Variants in IL33 observed in about 807,000 individuals in gnomAD.
IL33 encodes interleukin-33.
IL33 carries 37 observed loss-of-function variants against 27.3 expected under a neutral mutation model. The observed-to-expected ratio is 1.36, with a 90% CI of 1.04 to 1.78. IL33 has a LOEUF of 1.78. IL33 is among the 40% of genes most tolerant of loss of function. The probability of loss-of-function intolerance (pLI) is 0.00; values close to 1 mark genes in which losing one functional copy is unlikely to be tolerated. For missense variants in IL33, 406 were observed against 311.4 expected (o/e 1.30, Z -2.29); for synonymous variants, 132 against 102.9 (o/e 1.28, Z -1.71).
At chr9:6,230,745 A>C (rs1345741997) in intron 1 of IL33, among the ~76,000 whole-genome samples, 5 of 152,150 alleles carry the variant, frequency 3.3e-5, no homozygotes, top group Non-Finnish European at 5.9e-5. Flanking sequence ...CTATATCCTC[A>C]TAGATCCTCT....
chr9:6,230,172 G>A (rs1418630421), intron 1 of IL33, among the ~76,000 whole-genome samples: 1 of 152,136 alleles, frequency 6.6e-6, no homozygotes, highest in Non-Finnish European at 1.5e-5. Flanking sequence ...AAGCACAGAA[G>A]TACTTTACAA....
rs1816766268 is a variant in IL33, at chr9:6,256,970, G to T, written c.*802G>T. The T allele has an allele frequency of 6.6e-6, 1 of 151,934 alleles. No individual in the cohort carries two copies. The highest frequency in any genetic ancestry group is 2.4e-5 in the African/African-American group (1 of 41,362). 9.4% of individuals were successfully genotyped at this position (151,934 alleles called of 1,614,324 possible). ...ATAAAATTTCACTTATTAGGAATAT[G>T]TAACATGCTAAAACTTTTTTTTTTT... On this transcript the variant is annotated 3_prime_UTR_variant, in exon 8 of 8. Coordinates refer to ENST00000682010, the MANE Select transcript of IL33 (RefSeq NM_033439.4).
Position 6,252,155 on chromosome 9 carries a change from T to C in IL33, c.344-711T>C, listed in dbSNP as rs888835684. 9.9e-5 allele frequency among the ~76,000 whole-genome samples: 15 copies of C among 152,086 alleles called. No homozygotes were observed. In the East Asian group the frequency reaches 2.1e-3, roughly 22 times the overall value. On this transcript the variant is annotated intron_variant, in intron 4 of 7. Transcript: ENST00000682010. ...AGCATTATTCCTGCTATAAATGTCC[T>C]AAATTCCCAGAAGCAACACTGAAGT... is the stretch of plus-strand genomic sequence containing the variant.
chr9:6,237,547 A>G (rs17498196), intron 1 of IL33, among the ~76,000 whole-genome samples: 1 of 152,198 alleles, frequency 6.6e-6, no homozygotes, highest in Admixed American at 6.5e-5. Flanking sequence ...AAACTAGTCC[A>G]TGAGGGTGAT....
chr9:6,253,211 T>C (rs1385260458), intron 5 of IL33, among the ~76,000 whole-genome samples: 2 of 152,172 alleles, frequency 1.3e-5, no homozygotes, highest in Non-Finnish European at 2.9e-5. Flanking sequence ...AATGCTGACA[T>C]TGAAATGCAG....
intron 7 of IL33, among the ~76,000 whole-genome samples, chr9:6,255,403 C>G (rs1433035303): frequency 6.6e-6 from 1 of 151,970 alleles, no homozygotes; most frequent in Non-Finnish European, 1.5e-5. Context: ...AATAGAGCTA[C>G]TTAGACTGAG....
At chr9:6,218,909 T>TATGTTCTCC (rs1818291782) in intron 1 of IL33, among the ~76,000 whole-genome samples, 1 of 73,444 alleles carries the variant, frequency 1.4e-5, no homozygotes, top group African/African-American at 5.1e-5. Flanking sequence ...CATATATATA[T>TATGTTCTCC]ATATATATAT....
chr9:6,221,670 C>A (rs1357292972), intron 1 of IL33, among the ~76,000 whole-genome samples: 1 of 152,044 alleles, frequency 6.6e-6, no homozygotes, highest in Non-Finnish European at 1.5e-5. Context: ...GGGTTTAGAC[C>A]CGTTGGTTCT....
intron 2 of IL33, among the ~76,000 whole-genome samples, chr9:6,245,312 C>T (rs1819770787): frequency 1.3e-5 from 2 of 152,072 alleles, no homozygotes; most frequent in South Asian, 2.1e-4. Flanking sequence ...CTAAAAAAAT[C>T]CAAAGATCTA....
rs538576388 is a variant in IL33, at chr9:6,240,803, T to C, written c.-11-881T>C. ...AAATTAACCTTGCTTACTATAACTTTTTTACTTTATAAACTTTTAGTTTTT... is the reference window on the plus strand; with the variant it reads ...AAATTAACCTTGCTTACTATAACTTCTTTACTTTATAAACTTTTAGTTTTT... On this transcript the variant is annotated intron_variant, in intron 1 of 7. Coordinates refer to ENST00000682010, the MANE Select transcript of IL33 (RefSeq NM_033439.4). Among the ~76,000 whole-genome samples, 13 of 152,320 alleles carry C rather than the reference T, an allele frequency of 8.5e-5. No individual in the cohort carries two copies. In the South Asian group the frequency reaches 2.7e-3, roughly 32 times the overall value.
rs746011872 is a variant in IL33 at position 6,254,461 on chromosome 9, G to A, written c.521-1G>A. On this transcript the variant is annotated splice_acceptor_variant, in intron 6 of 7. Transcript: ENST00000682010. LOFTEE classifies it high-confidence loss of function. ...ATCATTTATACTTTCTTAATTGTAAGGTGACGGTGTTGATGGTAAGATGTT... is the reference window on the plus strand; with the variant it reads ...ATCATTTATACTTTCTTAATTGTAAAGTGACGGTGTTGATGGTAAGATGTT... 4 of 1,562,740 alleles carry A rather than the reference G, an allele frequency of 2.6e-6. No homozygotes were observed. The highest frequency in any genetic ancestry group is 1.8e-5 in the Admixed American group (1 of 55,328).
At chr9:6,236,407 T>C (rs55645596) in intron 1 of IL33, among the ~76,000 whole-genome samples, 1 of 152,214 alleles carries the variant, frequency 6.6e-6, no homozygotes, top group Admixed American at 6.5e-5. Context: ...TTTTTTATAA[T>C]CAGAAAAAAA....
intron 1 of IL33, among the ~76,000 whole-genome samples, chr9:6,229,530 T>C (rs949346921): frequency 5.9e-5 from 9 of 152,196 alleles, no homozygotes; most frequent in African/African-American, 2.2e-4. Flanking sequence ...AGACTGTCAT[T>C]TCTGTAAGTC....
chr9:6,216,556 G>A (rs1359163031), intron 1 of IL33, among the ~76,000 whole-genome samples: 3 of 152,216 alleles, frequency 2.0e-5, no homozygotes, highest in South Asian at 2.1e-4. Context: ...CCAAGAGGAT[G>A]AAACCCTGTC....
chr9:6,252,068 C>CAAAAAAA (rs1564073279), intron 4 of IL33, among the ~76,000 whole-genome samples: 1 of 74,844 alleles, frequency 1.3e-5, no homozygotes, highest in African/African-American at 5.6e-5. Context: ...AAAAAAAACC[C>CAAAAAAA]AACAAAAAAC....
At chr9:6,225,375 A>AG (rs1355834220) in intron 1 of IL33, among the ~76,000 whole-genome samples, 3 of 152,290 alleles carry the variant, frequency 2.0e-5, no homozygotes, top group Admixed American at 2.0e-4. Flanking sequence ...AGCAGGATAG[A>AG]GGGAAGAGCA....
chr9:6,234,402 T>A (rs1819078924), intron 1 of IL33, among the ~76,000 whole-genome samples: 1 of 152,188 alleles, frequency 6.6e-6, no homozygotes, highest in African/African-American at 2.4e-5. Flanking sequence ...ACCACTGGAA[T>A]TATGTCCACT....
At chr9:6,228,712 G>A (rs527945105) in intron 1 of IL33, among the ~76,000 whole-genome samples, 3 of 151,952 alleles carry the variant, frequency 2.0e-5, no homozygotes, top group South Asian at 2.1e-4. Context: ...AAATTTAGCC[G>A]AGTGTGGTGG....
chr9:6,253,665 C>CA (rs968408951), intron 6 of IL33, 63 bp downstream of exon 6: 56 of 1,297,912 alleles, frequency 4.3e-5, no homozygotes, highest in Admixed American at 1.0e-4. Context: ...AAGATAAATC[C>CA]AAAAAAATCC....
Sources: gnomAD v4.1 joint callset for allele counts (sites outside exome capture counted in the v4.1 genomes callset) on GRCh38, gnomAD v4.1.1 for gene constraint, MANE v1.5 for transcripts, NCBI Gene and HGNC (gene_info 2026-07-23, HGNC 2026-07-21) for gene names.